The following KCNAB1 variants were observed in gnomAD, a reference collection of about 807,000 sequenced individuals.
KCNAB1 encodes the protein voltage-gated potassium channel subunit beta-1.
KCNAB1 carries 35 observed loss-of-function variants against 64.6 expected under a neutral mutation model. That is an observed-to-expected ratio of 0.54 (90% CI 0.41 to 0.72). KCNAB1 has a LOEUF of 0.72. KCNAB1 is among the 30% of genes least tolerant of loss of function. KCNAB1 has a pLI of 0.00. For synonymous variants in KCNAB1, 177 were observed against 183.8 expected (o/e 0.96, Z 0.30); for missense variants, 401 against 512.9 (o/e 0.78, Z 2.11).
intron 1 of KCNAB1, among the ~76,000 whole-genome samples, chr3:156,381,814 C>T (rs959717747): frequency 3.3e-5 from 5 of 152,198 alleles, no homozygotes; most frequent in African/African-American, 1.2e-4. Flanking sequence ...CTGGGTAAAA[C>T]TGGTAATACC....
At chr3:156,286,122 G>C (rs1357479469) in intron 1 of KCNAB1, among the ~76,000 whole-genome samples, 1 of 152,182 alleles carries the variant, frequency 6.6e-6, no homozygotes, top group Non-Finnish European at 1.5e-5. Flanking sequence ...CTGGAAGTTT[G>C]TTCTATTCAG....
intron 1 of KCNAB1, among the ~76,000 whole-genome samples, chr3:156,323,194 A>G (rs1722778559): frequency 6.6e-6 from 1 of 152,048 alleles, no homozygotes; most frequent in African/African-American, 2.4e-5. Flanking sequence ...TTCTTTTGTT[A>G]CTCATATTGG....
intron 1 of KCNAB1, among the ~76,000 whole-genome samples, chr3:156,352,668 G>A (rs1022211160): frequency 1.3e-5 from 2 of 152,190 alleles, no homozygotes; most frequent in African/African-American, 4.8e-5. Context: ...CCTCAGTCAG[G>A]TCTGTCCTTG....
At chr3:156,458,425 TA>T (rs1712623823) in intron 4 of KCNAB1, among the ~76,000 whole-genome samples, 4 of 152,236 alleles carry the variant, frequency 2.6e-5, no homozygotes, top group Admixed American at 2.6e-4. Context: ...TGCAATTTTC[TA>T]ACTGAACTGT....
Position 156,465,567 on chromosome 3 carries a change from C to G in KCNAB1, c.528-76C>G, listed in dbSNP as rs1576902288. 6 of 1,349,768 alleles carry G rather than the reference C, an allele frequency of 4.4e-6. No individual in the cohort carries two copies. The East Asian group carries it at 1.4e-4, about 31-fold the overall frequency. The allele number at this position is 1,349,768 out of a possible 1,614,324, so 83.6% of individuals were successfully genotyped here. ...TGATAAGAACAGGGTGCAAAATTAGCAATTCAGACCAGAGATTTAGAGAAG... is the reference window on the plus strand; with the variant it reads ...TGATAAGAACAGGGTGCAAAATTAGGAATTCAGACCAGAGATTTAGAGAAG... On this transcript the variant is annotated intron_variant, in intron 6 of 13. Coordinates refer to ENST00000490337, the MANE Select transcript of KCNAB1 (RefSeq NM_172160.3).
intron 1 of KCNAB1, among the ~76,000 whole-genome samples, chr3:156,295,757 G>T (rs1720731824): frequency 6.6e-6 from 1 of 151,998 alleles, no homozygotes; most frequent in Non-Finnish European, 1.5e-5. Context: ...TATTTATGGG[G>T]TACATGTGAT....
intron 1 of KCNAB1, among the ~76,000 whole-genome samples, chr3:156,384,255 G>A (rs551270793): frequency 2.3e-4 from 35 of 152,282 alleles, no homozygotes; most frequent in African/African-American, 7.9e-4. Context: ...CTTCACCACC[G>A]TCTTTTTACA....
intron 1 of KCNAB1, chr3:156,143,562 C>A: frequency 2.8e-6 from 1 of 357,876 alleles, no homozygotes; most frequent in Non-Finnish European, 4.6e-6. Flanking sequence ...TCTTGGGTTG[C>A]ATTCTTGTTT....
intron 12 of KCNAB1, among the ~76,000 whole-genome samples, chr3:156,524,924 G>A (rs1039745761): frequency 2.0e-5 from 3 of 152,072 alleles, no homozygotes; most frequent in African/African-American, 7.2e-5. Flanking sequence ...GCCTAGTGAT[G>A]TTGTGGTTAT....
intron 1 of KCNAB1, among the ~76,000 whole-genome samples, chr3:156,386,457 G>A (rs987124448): frequency 2.6e-5 from 4 of 152,150 alleles, no homozygotes; most frequent in Non-Finnish European, 5.9e-5. Context: ...ACATGACAGG[G>A]AAGTTGCATC....
chr3:156,349,540 C>G (rs1286188030), intron 1 of KCNAB1, among the ~76,000 whole-genome samples: 1 of 152,174 alleles, frequency 6.6e-6, no homozygotes, highest in Non-Finnish European at 1.5e-5. Context: ...TACCAATTCT[C>G]CAGCTTCTTG....
intron 2 of KCNAB1, among the ~76,000 whole-genome samples, chr3:156,435,751 A>G (rs1388876631): frequency 1.3e-5 from 2 of 152,176 alleles, no homozygotes; most frequent in Non-Finnish European, 2.9e-5. Flanking sequence ...ATTAATGACC[A>G]GATCTTACAT....
chr3:156,157,439 A>G (rs1304048735), intron 1 of KCNAB1, among the ~76,000 whole-genome samples: 1 of 152,226 alleles, frequency 6.6e-6, no homozygotes, highest in Non-Finnish European at 1.5e-5. Context: ...AATAATACTC[A>G]TAAGTTATCT....
chr3:156,531,349 A>T, intron 12 of KCNAB1, 60 bp from the exon 13 acceptor site: 3 of 1,244,454 alleles, frequency 2.4e-6, no homozygotes, highest in Non-Finnish European at 3.6e-6. Flanking sequence ...GCAGGTGTTT[A>T]TAAGCTAATC....
At chr3:156,127,958 G>A (rs1713761228) in intron 1 of KCNAB1, among the ~76,000 whole-genome samples, 1 of 150,432 alleles carries the variant, frequency 6.6e-6, no homozygotes, top group South Asian at 2.1e-4. Context: ...AATAACTGTG[G>A]ACACCTGGAA....
chr3:156,289,995 G>A (rs748773615), intron 1 of KCNAB1, among the ~76,000 whole-genome samples: 1 of 152,050 alleles, frequency 6.6e-6, no homozygotes, highest in Non-Finnish European at 1.5e-5. Context: ...CTTCTAGGAG[G>A]GTCGCCTGGG....
At chr3:156,270,484 G>A (rs1364134404) in intron 1 of KCNAB1, among the ~76,000 whole-genome samples, 3 of 151,736 alleles carry the variant, frequency 2.0e-5, no homozygotes, top group Non-Finnish European at 4.4e-5. Flanking sequence ...GTTACCATAA[G>A]GCTTGCACTT....
At chr3:156,402,165 GAGAAA>G (rs899974920) in intron 1 of KCNAB1, among the ~76,000 whole-genome samples, 8 of 150,840 alleles carry the variant, frequency 5.3e-5, no homozygotes, top group Non-Finnish European at 7.4e-5. Flanking sequence ...AAAAAAAAGA[GAGAAA>G]AGAAAAGAAA....
At chr3:156,315,939 G>T (rs748578816) in intron 1 of KCNAB1, among the ~76,000 whole-genome samples, 32 of 152,272 alleles carry the variant, frequency 2.1e-4, no homozygotes, top group Non-Finnish European at 3.5e-4. Context: ...TATCATAGAA[G>T]AATAATGGTA....
Sources: allele counts gnomAD v4.1 joint callset (sites outside exome capture counted in the v4.1 genomes callset), GRCh38; gene constraint gnomAD v4.1.1; transcripts MANE v1.5; gene names NCBI Gene and HGNC (gene_info 2026-07-23, HGNC 2026-07-21).